The following LIMCH1 variants were observed in gnomAD, a reference collection of about 807,000 sequenced individuals.
LIMCH1 encodes LIM and calponin homology domains 1.
In LIMCH1, 113 loss-of-function variants were observed where a neutral mutation model predicts 176.5. The ratio of observed to expected loss-of-function variants is 0.64; its 90% CI spans 0.55 to 0.75. The LOEUF (loss-of-function observed/expected upper bound fraction) is 0.75. Ranked by LOEUF, LIMCH1 falls within the 30% of genes least tolerant of loss-of-function variation. LIMCH1 has a pLI of 0.00. For missense variants in LIMCH1, 1,674 were observed against 1,814.9 expected, an observed-to-expected ratio of 0.92 and a Z score of 1.41; for synonymous variants, 619 against 645.9, an observed-to-expected ratio of 0.96 and a Z score of 0.63.
chr4:41,695,917 G>GAA (rs375960249), intron 31 of LIMCH1, among the ~76,000 whole-genome samples: 1 of 149,986 alleles, frequency 6.7e-6, no homozygotes, highest in Non-Finnish European at 1.5e-5. Flanking sequence ...GTCAGAATGG[G>GAA]AAAAAAAAAG....
At chr4:41,443,271 C>T (rs1413993991) in intron 1 of LIMCH1, among the ~76,000 whole-genome samples, 5 of 52,762 alleles carry the variant, frequency 9.5e-5, no homozygotes, top group South Asian at 8.0e-4. Flanking sequence ...ACTGCAGTGG[C>T]GCAATCTGGA....
chr4:41,498,877 T>G (rs113816475), intron 2 of LIMCH1, among the ~76,000 whole-genome samples: 6 of 146,448 alleles, frequency 4.1e-5, no homozygotes, highest in Non-Finnish European at 9.1e-5. Flanking sequence ...CCCTTGGCCT[T>G]TTTTTTTTTT....
chr4:41,584,558 C>G (rs2086104238), intron 1 of LIMCH1, among the ~76,000 whole-genome samples: 1 of 152,142 alleles, frequency 6.6e-6, no homozygotes, highest in Non-Finnish European at 1.5e-5. Context: ...AACTGTTAGT[C>G]TAAACATTAT....
At chr4:41,445,299 C>T (rs895189788) in intron 1 of LIMCH1, among the ~76,000 whole-genome samples, 20 of 152,172 alleles carry the variant, frequency 1.3e-4, no homozygotes, top group African/African-American at 4.3e-4. Flanking sequence ...CCACAGTGCA[C>T]GGCCCCCATT....
chr4:41,455,886 TCTGACTTGATACTAA>T (rs1461494586), intron 1 of LIMCH1, among the ~76,000 whole-genome samples: 3 of 152,238 alleles, frequency 2.0e-5, no homozygotes, highest in Non-Finnish European at 4.4e-5. Context: ...GGTGGTACCT[TCTGACTTGATACTAA>T]CACATAAGAA....
intron 1 of LIMCH1, among the ~76,000 whole-genome samples, chr4:41,465,803 C>T (rs907613401): frequency 6.6e-6 from 1 of 152,140 alleles, no homozygotes; most frequent in Admixed American, 6.6e-5. Context: ...CAACTGTGGC[C>T]CCACTGCCTG....
rs939681947 is a variant in LIMCH1 at position 41,632,795 on chromosome 4, C to CT, written c.1649dup (p.Ala551GlyfsTer45). ...TGACTATTGCAGAAGGGCCTCGTGG[C>CT]TGGCTCCTGTGCCGGAGTCTCAGGA... On this transcript the variant is annotated frameshift_variant, in exon 11 of 32. Coordinates refer to ENST00000503057, the MANE Select transcript of LIMCH1 (RefSeq NM_001330672.2). LOFTEE classifies it high-confidence loss of function. 1.2e-5 allele frequency: 19 copies of CT among 1,536,240 alleles called. No homozygotes were observed. Among genetic ancestry groups the CT allele is most frequent in the Non-Finnish European group, 1.6e-5 (18 of 1,146,928 alleles).
intron 1 of LIMCH1, among the ~76,000 whole-genome samples, chr4:41,479,314 G>A (rs2068205351): frequency 6.6e-6 from 1 of 152,148 alleles, no homozygotes; most frequent in African/African-American, 2.4e-5. Context: ...GCACAGTGCT[G>A]TGATCACAGC....
In LIMCH1 at chr4:41,632,835, G is replaced by A. The variant is rs573013198; in HGVS notation, c.1688G>A (p.Ser563Asn). The A allele has an allele frequency of 6.5e-6, 10 of 1,536,228 alleles. No individual in the cohort carries two copies. Among genetic ancestry groups the A allele is most frequent in the African/African-American group, 1.4e-5 (1 of 73,166 alleles). The part of the protein sequence containing the change: ...VPESQEEWVC[S>N]LGECPRGTEE... Reference sequence around the variant, plus strand: ...GAGTCTCAGGAAGAGTGGGTCTGCAGTTTGGGCGAGTGCCCGAGGGGGACA... The same window carrying A: ...GAGTCTCAGGAAGAGTGGGTCTGCAATTTGGGCGAGTGCCCGAGGGGGACA... The change falls in exon 11 of 32, where the codon AGT becomes AAT. Residue 563 changes from serine (S) to asparagine (N), a missense_variant. By Grantham distance (46) the Ser-to-Asn change is conservative (BLOSUM62 1). Coordinates refer to ENST00000503057, the MANE Select transcript of LIMCH1 (RefSeq NM_001330672.2).
intron 1 of LIMCH1, among the ~76,000 whole-genome samples, chr4:41,554,412 C>T (rs1309956570): frequency 6.6e-6 from 1 of 152,164 alleles, no homozygotes; most frequent in Non-Finnish European, 1.5e-5. Flanking sequence ...CCAATTCCTT[C>T]TGCTGTCACC....
intron 21 of LIMCH1, among the ~76,000 whole-genome samples, chr4:41,670,213 G>C (rs2094965489): frequency 6.6e-6 from 1 of 152,022 alleles, no homozygotes; most frequent in South Asian, 2.1e-4. Flanking sequence ...ACAAATCCTT[G>C]CCATGAGCCA....
intron 2 of LIMCH1, among the ~76,000 whole-genome samples, chr4:41,602,296 C>T (rs896947798): frequency 3.3e-5 from 5 of 151,972 alleles, no homozygotes; most frequent in Non-Finnish European, 7.4e-5. Context: ...AGCAACTGGA[C>T]GAAATGTACG....
intron 1 of LIMCH1, among the ~76,000 whole-genome samples, chr4:41,584,002 A>G (rs1247048087): frequency 1.3e-5 from 2 of 152,056 alleles, no homozygotes; most frequent in African/African-American, 4.8e-5. Context: ...ATCTGTAAAT[A>G]TGATAGGGAT....
chr4:41,380,786 G>A (rs952410940), intron 1 of LIMCH1, among the ~76,000 whole-genome samples: 2 of 152,148 alleles, frequency 1.3e-5, no homozygotes, highest in African/African-American at 4.8e-5. Flanking sequence ...TGTGTGAAGA[G>A]ATGTGCATCC....
chr4:41,607,859 A>G (rs2090933536), intron 4 of LIMCH1, among the ~76,000 whole-genome samples: 1 of 152,214 alleles, frequency 6.6e-6, no homozygotes, highest in Non-Finnish European at 1.5e-5. Context: ...ATGGCCAGCC[A>G]TGATACTGCC....
intron 14 of LIMCH1, among the ~76,000 whole-genome samples, chr4:41,640,148 T>G (rs2093760100): frequency 6.6e-6 from 1 of 152,186 alleles, no homozygotes; most frequent in African/African-American, 2.4e-5. Context: ...AAAACCAAAT[T>G]CAGCCTGAGC....
chr4:41,621,969 C>A (rs2092613638), intron 7 of LIMCH1, among the ~76,000 whole-genome samples: 1 of 151,144 alleles, frequency 6.6e-6, no homozygotes, highest in Non-Finnish European at 1.5e-5. Context: ...TCTAGAGTAC[C>A]TTTGTATTAA....
intron 23 of LIMCH1, among the ~76,000 whole-genome samples, chr4:41,678,375 C>G (rs1240338819): frequency 6.6e-6 from 1 of 152,002 alleles, no homozygotes; most frequent in Non-Finnish European, 1.5e-5. Context: ...GAAGGTTAAG[C>G]CTTCAATACC....
In LIMCH1 at chr4:41,552,611, A is replaced by C. The variant is rs541538409; in HGVS notation, c.-241+14261A>C. Among the ~76,000 whole-genome samples, 42 of 152,302 alleles carry C rather than the reference A, an allele frequency of 2.8e-4. No individual in the cohort carries two copies. The South Asian group carries it at 7.9e-3, about 29-fold the overall frequency. Reference sequence around the variant, plus strand: ...ATAAAAATTATAAACATGGATATTTAAAAATTTTGTGACACAAAGTATTCA... The same window carrying C: ...ATAAAAATTATAAACATGGATATTTCAAAATTTTGTGACACAAAGTATTCA... On this transcript the variant is annotated intron_variant, in intron 1 of 31. Transcript: ENST00000503057.
Sources: allele counts gnomAD v4.1 joint callset (sites outside exome capture counted in the v4.1 genomes callset), GRCh38; gene constraint gnomAD v4.1.1; transcripts MANE v1.5; gene names NCBI Gene and HGNC (gene_info 2026-07-23, HGNC 2026-07-21).